Variants in NLGN1 observed in about 807,000 individuals in gnomAD.
The protein encoded by NLGN1 is neuroligin 1, also known as neuroligin-1.
NLGN1 carries 12 observed loss-of-function variants against 65.5 expected under a neutral mutation model. The observed-to-expected ratio is 0.18, with a 90% CI of 0.12 to 0.30. The LOEUF is 0.30. Among genes scored for constraint, NLGN1 ranks in the 10% least tolerant of loss-of-function variants. The pLI is 1.00. For missense variants in NLGN1, 750 were observed against 1,007.1 expected (o/e 0.74, Z 3.46); for synonymous variants, 350 against 359.5 (o/e 0.97, Z 0.30).
intron 1 of NLGN1, among the ~76,000 whole-genome samples, chr3:173,426,076 AT>A (rs1168356366): frequency 6.6e-6 from 1 of 151,648 alleles, no homozygotes. Flanking sequence ...TAGGTATTTT[AT>A]TTTTTTGTAA....
chr3:173,632,834 A>ATC (rs1560081606), intron 3 of NLGN1, among the ~76,000 whole-genome samples: 1 of 120,642 alleles, frequency 8.3e-6, no homozygotes. Flanking sequence ...CTCCTTGAGT[A>ATC]GTGTTTTTTT....
At chr3:174,049,796 C>G (rs1734410503) in intron 4 of NLGN1, among the ~76,000 whole-genome samples, 1 of 152,002 alleles carries the variant, frequency 6.6e-6, no homozygotes, top group Non-Finnish European at 1.5e-5. Flanking sequence ...ATGTGCCTAG[C>G]TAACGTGAGA....
intron 3 of NLGN1, among the ~76,000 whole-genome samples, chr3:173,726,100 C>T (rs1032724126): frequency 6.6e-6 from 1 of 151,944 alleles, no homozygotes; most frequent in Non-Finnish European, 1.5e-5. Context: ...GTCGCCTTTT[C>T]CTTACTCTGT....
intron 3 of NLGN1, among the ~76,000 whole-genome samples, chr3:173,731,302 A>G (rs1772804146): frequency 6.6e-6 from 1 of 152,128 alleles, no homozygotes; most frequent in Admixed American, 6.6e-5. Context: ...TGAAGAATGG[A>G]AAGAAAGATG....
intron 3 of NLGN1, among the ~76,000 whole-genome samples, chr3:173,784,549 C>T (rs1312268261): frequency 6.6e-6 from 1 of 151,538 alleles, no homozygotes; most frequent in Admixed American, 6.6e-5. Context: ...AGGCAGAGAG[C>T]GAGAGGCAGA....
At chr3:173,650,039 GT>G (rs1758896764) in intron 3 of NLGN1, among the ~76,000 whole-genome samples, 1 of 151,702 alleles carries the variant, frequency 6.6e-6, no homozygotes, top group Non-Finnish European at 1.5e-5. Flanking sequence ...ATTTGCATAT[GT>G]ATATACGTGT....
At chr3:174,014,080 G>A (rs1388110695) in intron 4 of NLGN1, among the ~76,000 whole-genome samples, 2 of 152,098 alleles carry the variant, frequency 1.3e-5, no homozygotes. Flanking sequence ...CCACGTCTTA[G>A]GTAAATGGAA....
intron 2 of NLGN1, among the ~76,000 whole-genome samples, chr3:173,572,129 A>G (rs1213047055): frequency 4.6e-5 from 7 of 152,194 alleles, no homozygotes; most frequent in Non-Finnish European, 1.5e-5. Context: ...TTACCATTCT[A>G]CAGAGTCTAA....
chr3:173,591,500 A>G (rs1748480175), intron 2 of NLGN1, among the ~76,000 whole-genome samples: 1 of 152,162 alleles, frequency 6.6e-6, no homozygotes, highest in African/African-American at 2.4e-5. Context: ...CTCCTTAAAC[A>G]ATAGTCACCA....
chr3:173,516,469 A>G (rs534265396), intron 2 of NLGN1, among the ~76,000 whole-genome samples: 2 of 152,144 alleles, frequency 1.3e-5, no homozygotes, highest in South Asian at 4.2e-4. Flanking sequence ...GTATCAGCTA[A>G]TGGTATATCA....
At chr3:173,894,156 A>G (rs943090204) in intron 4 of NLGN1, among the ~76,000 whole-genome samples, 2 of 152,058 alleles carry the variant, frequency 1.3e-5, no homozygotes, top group African/African-American at 4.8e-5. Flanking sequence ...GGGTGTTACA[A>G]TTATTATTAT....
intron 3 of NLGN1, among the ~76,000 whole-genome samples, chr3:173,681,207 A>AT (rs572836187): frequency 9.9e-5 from 15 of 152,274 alleles, no homozygotes; most frequent in Middle Eastern, 6.8e-3. Context: ...TCAGAGTACT[A>AT]TTTTTTTAAT....
intron 4 of NLGN1, among the ~76,000 whole-genome samples, chr3:173,901,414 A>G (rs1326359844): frequency 6.7e-6 from 1 of 149,334 alleles, no homozygotes; most frequent in East Asian, 2.0e-4. Flanking sequence ...GCATTTCTCT[A>G]TGGCATATTA....
intron 3 of NLGN1, among the ~76,000 whole-genome samples, chr3:173,712,721 A>G (rs1769179739): frequency 6.6e-6 from 1 of 152,188 alleles, no homozygotes; most frequent in South Asian, 2.1e-4. Flanking sequence ...CAACAATTCT[A>G]CAAATGAAGA....
chr3:174,198,507 C>T (rs1733863036), intron 4 of NLGN1, among the ~76,000 whole-genome samples: 1 of 152,042 alleles, frequency 6.6e-6, no homozygotes, highest in Non-Finnish European at 1.5e-5. Flanking sequence ...TTTACAAAGC[C>T]CTTGATACAT....
At chr3:174,147,105 C>T (rs948696253) in intron 4 of NLGN1, among the ~76,000 whole-genome samples, 2 of 152,122 alleles carry the variant, frequency 1.3e-5, no homozygotes, top group Admixed American at 1.3e-4. Flanking sequence ...TTGGCCTCCC[C>T]CGTCATCCCC....
chr3:173,524,341 G>T (rs1735280012), intron 2 of NLGN1, among the ~76,000 whole-genome samples: 1 of 152,102 alleles, frequency 6.6e-6, no homozygotes, highest in Non-Finnish European at 1.5e-5. Context: ...AAATGGGATT[G>T]TGTTCTTGAT....
At chr3:173,605,234 GCT>G (rs1307690941) in intron 3 of NLGN1, 143 bp downstream of exon 2, 13 of 684,464 alleles carry the variant, frequency 1.9e-5, no homozygotes, top group Non-Finnish European at 2.8e-5. Flanking sequence ...CGTGCATGGT[GCT>G]CTTTTTGTTT....
At chr3:174,250,244 G>A (rs1363162661) in intron 4 of NLGN1, among the ~76,000 whole-genome samples, 1 of 152,128 alleles carries the variant, frequency 6.6e-6, no homozygotes, top group Non-Finnish European at 1.5e-5. Context: ...CAAGTGCCTA[G>A]CACAGAGTAA....
Sources: gnomAD v4.1 joint callset for allele counts (sites outside exome capture counted in the v4.1 genomes callset) on GRCh38, gnomAD v4.1.1 for gene constraint, MANE v1.5 for transcripts, NCBI Gene and HGNC (gene_info 2026-07-23, HGNC 2026-07-21) for gene names.